The following DTX4 variants were observed in gnomAD, a reference collection of about 807,000 sequenced individuals.
The protein encoded by DTX4 is E3 ubiquitin-protein ligase DTX4.
Under a neutral mutation model 57.6 loss-of-function variants are expected in DTX4, and 28 were observed. The observed-to-expected ratio is 0.49, with a 90% CI of 0.36 to 0.67. The LOEUF is 0.67. Among genes scored for constraint, DTX4 ranks in the 30% least tolerant of loss-of-function variants. The pLI is 0.00. For missense variants in DTX4, 715 were observed against 836.8 expected, an observed-to-expected ratio of 0.85 and a Z score of 1.80; for synonymous variants, 316 against 331.0, an observed-to-expected ratio of 0.95 and a Z score of 0.49.
chr11:59,189,080 A>C, intron 3 of DTX4, 82 bp from the exon 4 acceptor site: 1 of 1,507,718 alleles, frequency 6.6e-7, no homozygotes, highest in Non-Finnish European at 9.1e-7. Context: ...GGAGGAGAGT[A>C]GGTTAATGGG....
chr11:59,183,696 G>A (rs1477168558), intron 2 of DTX4, among the ~76,000 whole-genome samples: 1 of 152,224 alleles, frequency 6.6e-6, no homozygotes, highest in East Asian at 1.9e-4. Flanking sequence ...CTGGGAGGAG[G>A]AATGAAGGAG....
At chr11:59,174,798 C>T (rs11229865) in intron 1 of DTX4, among the ~76,000 whole-genome samples, 17,713 of 152,178 alleles carry the variant, frequency 0.12, 1,347 homozygotes, top group African/African-American at 0.21. Flanking sequence ...CAGAGGCTGG[C>T]GCTCCCTGGA....
chr11:59,180,085 TTTC>T (rs1862445006), intron 1 of DTX4, among the ~76,000 whole-genome samples: 1 of 152,180 alleles, frequency 6.6e-6, no homozygotes. Flanking sequence ...TTTACATTCA[TTTC>T]TTCATTTAAT....
chr11:59,178,396 C>T (rs1862421150), intron 1 of DTX4, among the ~76,000 whole-genome samples: 2 of 152,320 alleles, frequency 1.3e-5, no homozygotes, highest in South Asian at 4.1e-4. Context: ...CGTTCTGCCT[C>T]ATAAATAGTC....
chr11:59,183,890 CTG>C (rs1033888856), intron 2 of DTX4, among the ~76,000 whole-genome samples: 4 of 152,216 alleles, frequency 2.6e-5, no homozygotes, highest in African/African-American at 9.6e-5. Flanking sequence ...TTCTCTTACT[CTG>C]TGATCTAAGT....
rs1862823987 is a variant in DTX4 at position 59,207,240 on chromosome 11, C to G, written c.*2331C>G. 6.6e-6 allele frequency: 1 copy of G among 152,182 alleles called. No individual in the cohort carries two copies. The highest frequency in any genetic ancestry group is 1.5e-5 in the Non-Finnish European group (1 of 68,080). The allele number at this position is 152,182 out of a possible 1,614,324, so 9.4% of individuals were successfully genotyped here. ...GGCACTGGGGAGAGATCAGTTTCCC[C>G]ACATCAGGGAGAAGAAGGTATAGGT... On this transcript the variant is annotated 3_prime_UTR_variant, in exon 9 of 9. Coordinates refer to ENST00000227451, the MANE Select transcript of DTX4 (RefSeq NM_015177.2).
chr11:59,179,380 G>A (rs553560029), intron 1 of DTX4, among the ~76,000 whole-genome samples: 4 of 152,154 alleles, frequency 2.6e-5, no homozygotes, highest in East Asian at 1.9e-4. Flanking sequence ...GATAAAACCC[G>A]CAACCCAGAG....
chr11:59,181,983 C>A lies in DTX4; in HGVS notation c.456C>A (p.Arg152=), dbSNP rs777266975. ...QINRQTQRQR[R]VRRRLDLIYP... is the part of the protein sequence containing the mutation. ...ACCGTCAGACCCAGCGCCAACGCCG[C>A]GTCCGCCGGCGCCTCGACCTCATCT... Residue 152 remains arginine (R), a synonymous_variant, in exon 2 of 9, where the codon CGC becomes CGA. Transcript: ENST00000227451. 1 of 1,613,972 alleles carries A rather than the reference C, an allele frequency of 6.2e-7. No homozygotes were observed. Among genetic ancestry groups the A allele is most frequent in the African/African-American group, 1.3e-5 (1 of 75,050 alleles).
chr11:59,186,248 C>T (rs1590983322), intron 2 of DTX4, among the ~76,000 whole-genome samples: 1 of 152,126 alleles, frequency 6.6e-6, no homozygotes, highest in East Asian at 1.9e-4. Context: ...CACATCTTGC[C>T]CCTGAGTTCT....
chr11:59,202,823 T>C (rs1270867185), intron 8 of DTX4, among the ~76,000 whole-genome samples: 2 of 152,198 alleles, frequency 1.3e-5, no homozygotes, highest in Non-Finnish European at 2.9e-5. Flanking sequence ...ATTAGACAGC[T>C]TCATCATCAT....
chr11:59,195,720 G>A (rs1010523398), intron 7 of DTX4, among the ~76,000 whole-genome samples: 2 of 152,068 alleles, frequency 1.3e-5, no homozygotes, highest in Non-Finnish European at 2.9e-5. Flanking sequence ...CCTCGTTCTT[G>A]TGTCTGTGTA....
At chr11:59,204,070 T>C (rs183707537) in intron 8 of DTX4, among the ~76,000 whole-genome samples, 3 of 152,320 alleles carry the variant, frequency 2.0e-5, no homozygotes, top group Admixed American at 6.5e-5. Context: ...TTTTTTTTAA[T>C]TTAACTGATT....
At chr11:59,181,061 A>G (rs1271679529) in intron 1 of DTX4, among the ~76,000 whole-genome samples, 1 of 152,022 alleles carries the variant, frequency 6.6e-6, no homozygotes, top group East Asian at 1.9e-4. Flanking sequence ...TTATAAATGT[A>G]TAGAGATCCA....
Position 59,172,516 on chromosome 11 carries a change from C to T in DTX4, c.-80C>T, listed in dbSNP as rs1356852056. ...GGGCGCGGTCGAGGCCCGGAGGCGG[C>T]GGCGCAGGAGGAAGCGGAGGAGGTC... On this transcript the variant is annotated 5_prime_UTR_variant, in exon 1 of 9. Transcript: ENST00000227451. The T allele has an allele frequency of 1.6e-5, 16 of 976,130 alleles. No homozygotes were observed. The highest frequency in any genetic ancestry group is 1.7e-5 in the African/African-American group (1 of 58,240). The allele number at this position is 976,130 out of a possible 1,614,324, so 60.5% of individuals were successfully genotyped here.
chr11:59,191,980 T>C, intron 5 of DTX4, 118 bp from the exon 6 acceptor site: 1 of 1,144,156 alleles, frequency 8.7e-7, no homozygotes, highest in Non-Finnish European at 1.2e-6. Flanking sequence ...TACACCCTGA[T>C]TTGTGGGTGT....
chr11:59,179,394 G>A (rs927042911), intron 1 of DTX4, among the ~76,000 whole-genome samples: 2 of 152,218 alleles, frequency 1.3e-5, no homozygotes, highest in Non-Finnish European at 1.5e-5. Context: ...CCCAGAGTGA[G>A]AACTTCTGTT....
Position 59,181,739 on chromosome 11 carries a change from G to A in DTX4, c.212G>A (p.Gly71Glu). The change falls in exon 2 of 9, where the codon GGA becomes GAA. Residue 71 changes from glycine (G) to glutamate (E), a missense_variant and splice_region_variant. Gly to Glu is a moderately conservative substitution (Grantham distance 98). Transcript: ENST00000227451. ...CCTCTCCCCTATCCCACCCTGGCAG[G>A]AACTCTCCGCCCAGTTCGCCGCAAC... ...QSMNQFRQDT[G>E]TLRPVRRNYY... 1 of 1,591,734 alleles carries A rather than the reference G, an allele frequency of 6.3e-7. No individual in the cohort carries two copies.
intron 8 of DTX4, among the ~76,000 whole-genome samples, chr11:59,200,905 T>G (rs1862733255): frequency 6.6e-6 from 1 of 152,242 alleles, no homozygotes; most frequent in African/African-American, 2.4e-5. Context: ...CAAGTATTTA[T>G]TCGTCATGCA....
rs748822868 is a variant in DTX4 at position 59,182,063 on chromosome 11, G to A, written c.536G>A (p.Gly179Glu). Reference sequence around the variant, plus strand: ...GCTCAGTCCTGGCCAGTCAGCCCTGGGCCAGCCACCTCGCCCCCCATGTCC... The same window carrying A: ...GCTCAGTCCTGGCCAGTCAGCCCTGAGCCAGCCACCTCGCCCCCCATGTCC... ...PKAQSWPVSP[G>E]PATSPPMSPC... Residue 179 changes from glycine (G) to glutamate (E), a missense_variant, in exon 2 of 9, where the codon GGG becomes GAG. Gly to Glu is a moderately conservative substitution (Grantham distance 98, BLOSUM62 -2). Coordinates refer to ENST00000227451, the MANE Select transcript of DTX4 (RefSeq NM_015177.2). 1 of 1,612,588 alleles carries A rather than the reference G, an allele frequency of 6.2e-7. No individual in the cohort carries two copies. Among genetic ancestry groups the A allele is most frequent in the Admixed American group, 1.7e-5 (1 of 59,960 alleles).
Sources: allele counts gnomAD v4.1 joint callset (sites outside exome capture counted in the v4.1 genomes callset), GRCh38; gene constraint gnomAD v4.1.1; transcripts MANE v1.5; gene names NCBI Gene and HGNC (gene_info 2026-07-23, HGNC 2026-07-21).